KMT5B: variants seen among roughly 807,000 people sequenced by gnomAD.
KMT5B encodes the protein histone-lysine N-methyltransferase KMT5B.
KMT5B carries 10 observed loss-of-function variants against 83.2 expected under a neutral mutation model. The ratio of observed to expected loss-of-function variants is 0.12; its 90% CI spans 0.07 to 0.20. KMT5B has a LOEUF of 0.20. KMT5B is among the 10% of genes least tolerant of loss of function. The pLI is 1.00. For synonymous variants in KMT5B, 349 were observed against 388.8 expected (o/e 0.90, Z 1.20); for missense variants, 753 against 1,067.2 (o/e 0.71, Z 4.10).
rs1287643542 is a variant in KMT5B, at chr11:68,157,777, G to A, written c.2569C>T (p.Arg857Cys). Reference protein sequence around the residue: ...DDFIPLPPAKRLRLIVGKDSI... With the variant: ...DDFIPLPPAKCLRLIVGKDSI... ...TCTTTTCCAACTATTAACCTCAAGCGCTTAGCTGGAGGAAGAGGAATAAAA... is the reference window on the plus strand; with the variant it reads ...TCTTTTCCAACTATTAACCTCAAGCACTTAGCTGGAGGAAGAGGAATAAAA... Residue 857 changes from arginine (R) to cysteine (C), a missense_variant, in exon 11 of 11, where the codon CGC becomes TGC. By Grantham distance (180) the Arg-to-Cys change is radical. Transcript: ENST00000304363. 2 of 1,614,040 alleles carry A rather than the reference G, an allele frequency of 1.2e-6. No individual in the cohort carries two copies. The highest frequency in any genetic ancestry group is 1.7e-5 in the Admixed American group (1 of 60,008).
chr11:68,190,403 G>T (rs1377711273), intron 1 of KMT5B, among the ~76,000 whole-genome samples: 1 of 152,094 alleles, frequency 6.6e-6, no homozygotes, highest in Non-Finnish European at 1.5e-5. Flanking sequence ...TGTTATTTTA[G>T]AGTATATTCC....
At chr11:68,159,303 G>A in intron 10 of KMT5B, 132 bp from the exon 11 acceptor site, 1 of 1,278,002 alleles carries the variant, frequency 7.8e-7, no homozygotes, top group Non-Finnish European at 1.0e-6. Context: ...TCCTGCTGCA[G>A]ATTCTGCCAG....
At chr11:68,174,323 C>G in intron 5 of KMT5B, 1 of 337,928 alleles carries the variant, frequency 3.0e-6, no homozygotes, top group South Asian at 2.2e-5. Context: ...ATTTGCATTA[C>G]AGTAACTAGC....
At chr11:68,184,805 T>C (rs1463713070) in intron 3 of KMT5B, among the ~76,000 whole-genome samples, 1 of 152,182 alleles carries the variant, frequency 6.6e-6, no homozygotes, top group African/African-American at 2.4e-5. Context: ...GCAGATACAT[T>C]TGTGAAATGA....
rs1362735343 is a variant in KMT5B at position 68,171,143 on chromosome 11, T to A, written c.849A>T (p.Ser283=). 6.2e-7 allele frequency: 1 copy of A among 1,609,176 alleles called. No individual in the cohort carries two copies. Among genetic ancestry groups the A allele is most frequent in the Non-Finnish European group, 8.5e-7 (1 of 1,179,008 alleles). Residue 283 remains serine (S), a synonymous_variant, in exon 9 of 11, where the codon TCA becomes TCT. Transcript: ENST00000304363. The surrounding 1 kb of genome is among the most constrained non-coding windows in gnomAD (Gnocchi z 5.1). ...TCACACATGCTGTATCTCGACCAGTTGACACAAACTAAAATAAAAGTAACT... is the reference window on the plus strand; with the variant it reads ...TCACACATGCTGTATCTCGACCAGTAGACACAAACTAAAATAAAAGTAACT... ...HDCRPNCKFV[S]TGRDTACVKA...
chr11:68,207,667 C>G (rs975577341), intron 1 of KMT5B, among the ~76,000 whole-genome samples: 2 of 150,952 alleles, frequency 1.3e-5, no homozygotes, highest in South Asian at 2.1e-4. Context: ...GGCACCTGCC[C>G]GTAGTCCCAG....
At chr11:68,173,975 C>T in intron 5 of KMT5B, 62 bp from the exon 6 acceptor site, 1 of 1,197,896 alleles carries the variant, frequency 8.3e-7, no homozygotes, top group Non-Finnish European at 1.2e-6. Context: ...GACTTTCTTA[C>T]AATTATAAAA....
At position 68,154,896 on chromosome 11, in the gene KMT5B, A is replaced by G. The variant is rs1160648760; in HGVS notation, c.*2792T>C. Reference sequence around the variant, plus strand: ...ATTTCCGAATTTATTAAAATGATTAACCTCAATACTGCAAGTGCATGTACA... The same window carrying G: ...ATTTCCGAATTTATTAAAATGATTAGCCTCAATACTGCAAGTGCATGTACA... On this transcript the variant is annotated 3_prime_UTR_variant, in exon 11 of 11. Coordinates refer to ENST00000304363, the MANE Select transcript of KMT5B (RefSeq NM_017635.5). 6.6e-6 allele frequency: 1 copy of G among 152,210 alleles called. No individual in the cohort carries two copies. Among genetic ancestry groups the G allele is most frequent in the Non-Finnish European group, 1.5e-5 (1 of 68,034 alleles). The allele number at this position is 152,210 out of a possible 1,614,324, so 9.4% of individuals were successfully genotyped here. A position where few individuals can be genotyped will look rare whatever the true frequency, so the allele number is the denominator to read the frequency against.
chr11:68,194,823 C>A (rs1288355263), intron 1 of KMT5B, among the ~76,000 whole-genome samples: 1 of 152,168 alleles, frequency 6.6e-6, no homozygotes, highest in Admixed American at 6.5e-5. Context: ...GATGCATAAA[C>A]TTGGCATGAT....
intron 10 of KMT5B, among the ~76,000 whole-genome samples, chr11:68,165,279 G>T (rs568365459): frequency 5.1e-4 from 77 of 152,086 alleles, no homozygotes; most frequent in Non-Finnish European, 7.1e-4. Flanking sequence ...AAGGCAAGGC[G>T]GATCACCTGA....
At chr11:68,204,332 T>G (rs928254277) in intron 1 of KMT5B, among the ~76,000 whole-genome samples, 2 of 152,148 alleles carry the variant, frequency 1.3e-5, no homozygotes, top group Non-Finnish European at 2.9e-5. Flanking sequence ...TATAAAAAAT[T>G]TTGAGATAAA....
rs887811760 is a variant in KMT5B at position 68,190,140 on chromosome 11, T to C, written c.-64A>G. 45 of 1,450,720 alleles carry C rather than the reference T, an allele frequency of 3.1e-5. No homozygotes were observed. In the African/African-American group the frequency reaches 5.9e-4, roughly 19 times the overall value. 89.9% of individuals were successfully genotyped at this position (1,450,720 alleles called of 1,614,324 possible). A position where few individuals can be genotyped will look rare whatever the true frequency, so the allele number is the denominator to read the frequency against. ...TCTTCAAATAGCTTAGAGAATACTTTCAATGTTCTCTCCTAACAGAAACAA... is the reference window on the plus strand; with the variant it reads ...TCTTCAAATAGCTTAGAGAATACTTCCAATGTTCTCTCCTAACAGAAACAA... On this transcript the variant is annotated 5_prime_UTR_variant, in exon 2 of 11. Transcript: ENST00000304363.
At chr11:68,200,787 C>T (rs1565257760) in intron 1 of KMT5B, among the ~76,000 whole-genome samples, 1 of 152,198 alleles carries the variant, frequency 6.6e-6, no homozygotes, top group Non-Finnish European at 1.5e-5. Flanking sequence ...GACTACTGTG[C>T]AAGGCTTTGT....
Position 68,213,131 on chromosome 11 carries a change from G to A in KMT5B, c.-77+7C>T, listed in dbSNP as rs1244272751. 5.7e-5 allele frequency: 2 copies of A among 35,148 alleles called. No individual in the cohort carries two copies. Among genetic ancestry groups the A allele is most frequent in the Admixed American group, 3.7e-4 (1 of 2,724 alleles). 2.2% of individuals were successfully genotyped at this position (35,148 alleles called of 1,614,324 possible). On this transcript the variant is annotated splice_region_variant and intron_variant, in intron 1 of 10. Transcript: ENST00000304363. ...CCTCGCCGGCGCCCGCCCCTCCCCC[G>A]ACTCACCGCCTGCGCCGCCCCGCTC...
At chr11:68,209,453 A>C (rs898528739) in intron 1 of KMT5B, among the ~76,000 whole-genome samples, 3 of 152,190 alleles carry the variant, frequency 2.0e-5, no homozygotes, top group Non-Finnish European at 4.4e-5. Flanking sequence ...CAGACTAGGA[A>C]GCAGAATGAC....
At chr11:68,170,128 A>G (rs1458078666) in intron 9 of KMT5B, among the ~76,000 whole-genome samples, 3 of 152,222 alleles carry the variant, frequency 2.0e-5, no homozygotes, top group Non-Finnish European at 4.4e-5. Context: ...TAGGTGTTTT[A>G]AAGTGGGAGA....
At chr11:68,188,304 GT>G (rs1857652299) in intron 2 of KMT5B, among the ~76,000 whole-genome samples, 1 of 151,168 alleles carries the variant, frequency 6.6e-6, no homozygotes, top group African/African-American at 2.4e-5. Context: ...GATTACAGGC[GT>G]GAGCCACCAC....
intron 10 of KMT5B, chr11:68,164,661 T>C (rs1421581803): frequency 1.9e-6 from 1 of 514,674 alleles, no homozygotes; most frequent in African/African-American, 1.9e-5. Context: ...TACTGATCCT[T>C]GGATTGCTCC....
chr11:68,165,221 G>A (rs765845373), intron 10 of KMT5B, among the ~76,000 whole-genome samples: 2 of 152,164 alleles, frequency 1.3e-5, no homozygotes, highest in Admixed American at 6.5e-5. Context: ...ACAGGTCTCT[G>A]GCCGGGTGCA....
Sources: allele counts gnomAD v4.1 joint callset (sites outside exome capture counted in the v4.1 genomes callset), GRCh38; gene constraint gnomAD v4.1.1; non-coding constraint Gnocchi (gnomAD v3.1); transcripts MANE v1.5; gene names NCBI Gene and HGNC (gene_info 2026-07-23, HGNC 2026-07-21).